SIPA1L3: variants seen among roughly 807,000 people sequenced by gnomAD.
SIPA1L3 encodes the protein signal induced proliferation associated 1 like 3, also known as signal-induced proliferation-associated 1-like protein 3.
SIPA1L3 carries 59 observed loss-of-function variants against 150.1 expected under a neutral mutation model. The observed-to-expected ratio is 0.39, with a 90% CI of 0.32 to 0.49. The LOEUF (loss-of-function observed/expected upper bound fraction) is 0.49, where lower values mean the gene tolerates loss of function less well. SIPA1L3 is among the 20% of genes least tolerant of loss of function. The pLI is 0.86. For missense variants in SIPA1L3, 2,211 were observed against 2,489.5 expected, an observed-to-expected ratio of 0.89 and a Z score of 2.38; for synonymous variants, 1,070 against 1,077.6, an observed-to-expected ratio of 0.99 and a Z score of 0.14.
At chr19:38,102,397 C>T (rs1970526727) in intron 6 of SIPA1L3, among the ~76,000 whole-genome samples, 1 of 151,696 alleles carries the variant, frequency 6.6e-6, no homozygotes, top group South Asian at 2.1e-4. Context: ...AGACTGGTCT[C>T]AAACACAAGG....
chr19:38,043,529 C>T (rs190090391), intron 2 of SIPA1L3, among the ~76,000 whole-genome samples: 36 of 152,264 alleles, frequency 2.4e-4, no homozygotes, highest in Middle Eastern at 3.4e-3. Context: ...GGTTGCCTTT[C>T]TAAAATCTGA....
At chr19:38,007,466 AGAAAG>A (rs758973303) in intron 1 of SIPA1L3, among the ~76,000 whole-genome samples, 3 of 124,600 alleles carry the variant, frequency 2.4e-5, no homozygotes, top group Admixed American at 8.4e-5. Context: ...AAAAAAAAAA[AGAAAG>A]AAAAGAAAAA....
intron 2 of SIPA1L3, among the ~76,000 whole-genome samples, chr19:38,044,977 A>G (rs1969019285): frequency 6.6e-6 from 1 of 152,240 alleles, no homozygotes; most frequent in African/African-American, 2.4e-5. Flanking sequence ...ATAATGCTGT[A>G]AAACATCATC....
At chr19:38,042,063 G>A (rs901983395) in intron 2 of SIPA1L3, among the ~76,000 whole-genome samples, 22 of 152,046 alleles carry the variant, frequency 1.4e-4, no homozygotes, top group African/African-American at 4.6e-4. Flanking sequence ...ATGTAGTCCC[G>A]TTTATTTATT....
chr19:38,206,349 A>T lies in SIPA1L3; in HGVS notation c.*109A>T. ...CCGGTGTGACCAAGATGACCCATCCAGGGCCCTCCCCATGGACACGGAAAC... is the reference window on the plus strand; with the variant it reads ...CCGGTGTGACCAAGATGACCCATCCTGGGCCCTCCCCATGGACACGGAAAC... On this transcript the variant is annotated 3_prime_UTR_variant, in exon 22 of 22. Transcript: ENST00000222345. 7.6e-7 allele frequency: 1 copy of T among 1,318,270 alleles called. No individual in the cohort carries two copies. The highest frequency in any genetic ancestry group is 1.0e-6 in the Non-Finnish European group (1 of 976,998). 81.7% of individuals were successfully genotyped at this position (1,318,270 alleles called of 1,614,324 possible).
chr19:37,965,401 C>T (rs898100300), intron 1 of SIPA1L3, among the ~76,000 whole-genome samples: 3 of 151,344 alleles, frequency 2.0e-5, no homozygotes, highest in Middle Eastern at 3.4e-3. Context: ...CTGTGACCTC[C>T]GTCTCCCTGC....
At chr19:38,013,224 G>A (rs1968148218) in intron 1 of SIPA1L3, among the ~76,000 whole-genome samples, 1 of 152,184 alleles carries the variant, frequency 6.6e-6, no homozygotes, top group Non-Finnish European at 1.5e-5. Flanking sequence ...CCCAAGGGCT[G>A]TAGAATAGGT....
chr19:38,096,785 A>T (rs1029047872), intron 4 of SIPA1L3, among the ~76,000 whole-genome samples: 10 of 152,102 alleles, frequency 6.6e-5, no homozygotes, highest in Non-Finnish European at 1.3e-4. Flanking sequence ...CCACTTGGAA[A>T]ACTGTTTGGC....
intron 15 of SIPA1L3, among the ~76,000 whole-genome samples, chr19:38,167,365 T>C (rs919947515): frequency 1.3e-5 from 2 of 152,174 alleles, no homozygotes; most frequent in Admixed American, 6.6e-5. Flanking sequence ...ATTTCATGGC[T>C]TACAGTGTTC....
intron 1 of SIPA1L3, among the ~76,000 whole-genome samples, chr19:37,909,991 A>G (rs2046365069): frequency 7.4e-6 from 1 of 134,666 alleles, no homozygotes; most frequent in Admixed American, 7.6e-5. Context: ...AAAAAAAAAA[A>G]GCAGCACGTG....
chr19:38,200,723 T>C (rs1279451113), intron 19 of SIPA1L3: 1 of 150,118 alleles, frequency 6.7e-6, no homozygotes, highest in East Asian at 2.0e-4. Flanking sequence ...AGGTCGGGAG[T>C]TCGAGACCAG....
At chr19:38,189,377 C>T (rs1304118758) in intron 16 of SIPA1L3, among the ~76,000 whole-genome samples, 1 of 152,116 alleles carries the variant, frequency 6.6e-6, no homozygotes, top group Non-Finnish European at 1.5e-5. Context: ...GTGATCCTCC[C>T]ACTTACGCCT....
intron 15 of SIPA1L3, among the ~76,000 whole-genome samples, chr19:38,178,561 C>T (rs533424595): frequency 2.2e-4 from 34 of 152,124 alleles, no homozygotes; most frequent in South Asian, 1.2e-3. Flanking sequence ...CTGCAACCTC[C>T]GCCTCCCAGA....
intron 19 of SIPA1L3, chr19:38,200,133 C>T (rs1004962980): frequency 1.3e-5 from 2 of 152,100 alleles, no homozygotes; most frequent in East Asian, 1.9e-4. Context: ...AGTTCAGTGG[C>T]GTGATCTTGG....
At chr19:38,063,246 T>A (rs1969492641) in intron 2 of SIPA1L3, among the ~76,000 whole-genome samples, 1 of 151,770 alleles carries the variant, frequency 6.6e-6, no homozygotes, top group Non-Finnish European at 1.5e-5. Flanking sequence ...CAGCTGTGTG[T>A]GTCCAGCACC....
rs141634830 is a variant in SIPA1L3, at chr19:38,013,394, G to C, written c.-378-15695G>C. Reference sequence around the variant, plus strand: ...CATGTGAATCACTGCAGCCTTTTTAGAGCATGGGCTGAAAAAAAAAAGTTT... The same window carrying C: ...CATGTGAATCACTGCAGCCTTTTTACAGCATGGGCTGAAAAAAAAAAGTTT... On this transcript the variant is annotated intron_variant, in intron 1 of 21. Coordinates refer to ENST00000222345, the MANE Select transcript of SIPA1L3 (RefSeq NM_015073.3). Among the ~76,000 whole-genome samples, 148 of 152,130 alleles carry C rather than the reference G, an allele frequency of 9.7e-4. 2 individuals are homozygous for C. In the East Asian group the frequency reaches 0.019, roughly 20 times the overall value.
intron 12 of SIPA1L3, 21 bp from the exon 13 acceptor site, chr19:38,152,819 C>T (rs760557318): frequency 1.6e-5 from 26 of 1,597,872 alleles, no homozygotes; most frequent in Admixed American, 1.7e-5. Flanking sequence ...ACCCTGGGCA[C>T]GTTCTTCTCA....
chr19:38,013,917 G>A (rs1240351512), intron 1 of SIPA1L3, among the ~76,000 whole-genome samples: 2 of 152,266 alleles, frequency 1.3e-5, no homozygotes, highest in East Asian at 3.8e-4. Flanking sequence ...TTAAGGGAAA[G>A]CAAGATTCAG....
chr19:38,040,593 T>C (rs1053388049), intron 2 of SIPA1L3, among the ~76,000 whole-genome samples: 5 of 152,194 alleles, frequency 3.3e-5, no homozygotes, highest in African/African-American at 1.2e-4. Context: ...AATTTCTCCA[T>C]GTTCTTTCTT....
Sources: gnomAD v4.1 joint callset for allele counts (sites outside exome capture counted in the v4.1 genomes callset) on GRCh38, gnomAD v4.1.1 for gene constraint, MANE v1.5 for transcripts, NCBI Gene and HGNC (gene_info 2026-07-23, HGNC 2026-07-21) for gene names.